Variants in RPS6KC1 observed in about 807,000 individuals in gnomAD.
The protein encoded by RPS6KC1 is inactive ribosomal protein S6 kinase delta-1.
Under a neutral mutation model 103.8 loss-of-function variants are expected in RPS6KC1, and 54 were observed. That is an observed-to-expected ratio of 0.52 (90% CI 0.42 to 0.65). The LOEUF (loss-of-function observed/expected upper bound fraction) is 0.65, where lower values mean the gene tolerates loss of function less well. Among genes scored for constraint, RPS6KC1 ranks in the 30% least tolerant of loss-of-function variants. RPS6KC1 has a pLI of 0.00. For synonymous variants in RPS6KC1, 439 were observed against 438.7 expected (o/e 1.00, Z -0.01); for missense variants, 1,151 against 1,253.8 (o/e 0.92, Z 1.24).
At position 213,272,737 on chromosome 1, in the gene RPS6KC1, A is replaced by G. The variant is rs1001163148; in HGVS notation, c.*103A>G. 7 of 794,090 alleles carry G rather than the reference A, an allele frequency of 8.8e-6. No individual in the cohort carries two copies. Among genetic ancestry groups the G allele is most frequent in the African/African-American group, 1.7e-5 (1 of 58,590 alleles). 49.2% of individuals were successfully genotyped at this position (794,090 alleles called of 1,614,324 possible). A position where few individuals can be genotyped will look rare whatever the true frequency, so the allele number is the denominator to read the frequency against. ...ACAGTTACTTATGGAGCACCAAAGC[A>G]TTTGGATAAAGACCGTTATAGGAAA... On this transcript the variant is annotated 3_prime_UTR_variant, in exon 15 of 15. Coordinates refer to ENST00000366960, the MANE Select transcript of RPS6KC1 (RefSeq NM_012424.6).
At chr1:213,220,422 G>T (rs2093801965) in intron 8 of RPS6KC1, among the ~76,000 whole-genome samples, 1 of 152,144 alleles carries the variant, frequency 6.6e-6, no homozygotes, top group Non-Finnish European at 1.5e-5. Flanking sequence ...TGCCTCCCAA[G>T]TTTAAGTGAT....
At chr1:213,135,433 T>C (rs1037160892) in intron 6 of RPS6KC1, among the ~76,000 whole-genome samples, 12 of 152,166 alleles carry the variant, frequency 7.9e-5, no homozygotes, top group African/African-American at 2.9e-4. Flanking sequence ...TATTTTTCAA[T>C]AGGGAGGAGT....
the RPS6KC1 span, among the ~76,000 whole-genome samples, chr1:213,577,056 C>T: frequency 6.6e-6 from 1 of 152,136 alleles, no homozygotes; most frequent in South Asian, 2.1e-4. Context: ...TGGCTGTATC[C>T]CCACCCAAAT....
the RPS6KC1 span, among the ~76,000 whole-genome samples, chr1:213,476,934 G>A: frequency 2.0e-5 from 3 of 152,208 alleles, no homozygotes; most frequent in South Asian, 6.2e-4. Flanking sequence ...AAGAATCCAC[G>A]TTGTGGCCAT....
intron 4 of RPS6KC1, among the ~76,000 whole-genome samples, chr1:213,114,551 C>T (rs1035665366): frequency 5.3e-5 from 8 of 151,834 alleles, no homozygotes; most frequent in African/African-American, 1.7e-4. Flanking sequence ...CCTTTATTTC[C>T]TTCTTCTGCC....
chr1:213,637,976 C>T, the RPS6KC1 span, among the ~76,000 whole-genome samples: 19 of 151,946 alleles, frequency 1.3e-4, no homozygotes, highest in Non-Finnish European at 2.4e-4. Context: ...ACCATCACAC[C>T]TGGCTAATGT....
the RPS6KC1 span, among the ~76,000 whole-genome samples, chr1:213,814,498 G>A: frequency 2.0e-5 from 3 of 152,194 alleles, no homozygotes; most frequent in Non-Finnish European, 4.4e-5. Flanking sequence ...GATCCATCAG[G>A]TTGTTGGTAA....
the RPS6KC1 span, among the ~76,000 whole-genome samples, chr1:213,778,059 C>T: frequency 2.0e-5 from 3 of 152,234 alleles, no homozygotes; most frequent in South Asian, 2.1e-4. Context: ...AGTCTGAACC[C>T]GAAATCCCAA....
the RPS6KC1 span, among the ~76,000 whole-genome samples, chr1:213,727,327 C>T: frequency 3.3e-5 from 5 of 152,038 alleles, no homozygotes; most frequent in African/African-American, 7.2e-5. Context: ...AGAAAGTGTG[C>T]CTTCTGAGAT....
chr1:213,712,539 G>A, the RPS6KC1 span, among the ~76,000 whole-genome samples: 1 of 152,166 alleles, frequency 6.6e-6, no homozygotes, highest in African/African-American at 2.4e-5. Flanking sequence ...TGTCTTGCTT[G>A]CGTTCCAGGC....
chr1:213,808,419 G>C, the RPS6KC1 span, among the ~76,000 whole-genome samples: 3 of 152,276 alleles, frequency 2.0e-5, no homozygotes, highest in African/African-American at 7.2e-5. Flanking sequence ...TTCTTGAGCT[G>C]TGGTGGGCTC....
At chr1:213,564,502 G>A in the RPS6KC1 span, among the ~76,000 whole-genome samples, 2 of 152,136 alleles carry the variant, frequency 1.3e-5, no homozygotes, top group Admixed American at 1.3e-4. Flanking sequence ...AGCAGATCAG[G>A]GTATAGGGGT....
chr1:213,613,928 G>C, the RPS6KC1 span, among the ~76,000 whole-genome samples: 1 of 152,226 alleles, frequency 6.6e-6, no homozygotes, highest in Non-Finnish European at 1.5e-5. Context: ...ATTTTTCACA[G>C]CTGCAAGGAA....
At chr1:213,560,400 T>C in the RPS6KC1 span, among the ~76,000 whole-genome samples, 2 of 152,176 alleles carry the variant, frequency 1.3e-5, no homozygotes, top group Non-Finnish European at 2.9e-5. Flanking sequence ...AAGACATGGC[T>C]TCTTTGACAT....
the RPS6KC1 span, among the ~76,000 whole-genome samples, chr1:213,363,768 T>C: frequency 3.6e-5 from 1 of 28,108 alleles, no homozygotes. Context: ...TCTTCTTTCT[T>C]TCTTTCTTTC....
At chr1:213,623,387 G>A in the RPS6KC1 span, among the ~76,000 whole-genome samples, 1 of 152,142 alleles carries the variant, frequency 6.6e-6, no homozygotes, top group East Asian at 1.9e-4. Context: ...AGTGAATTGA[G>A]TCAATCAGAA....
At chr1:213,549,612 C>CTTTTTTTTTTTT in the RPS6KC1 span, among the ~76,000 whole-genome samples, 29 of 86,922 alleles carry the variant, frequency 3.3e-4, no homozygotes, top group African/African-American at 9.3e-4. Context: ...TTTTCTTTTC[C>CTTTTTTTTTTTT]TTTTTTTTTT....
At chr1:213,189,551 T>C (rs1324493236) in intron 8 of RPS6KC1, among the ~76,000 whole-genome samples, 1 of 152,106 alleles carries the variant, frequency 6.6e-6, no homozygotes, top group Non-Finnish European at 1.5e-5. Context: ...TATGAATTTA[T>C]GGGTTATATG....
At chr1:213,757,304 G>T in the RPS6KC1 span, among the ~76,000 whole-genome samples, 1 of 152,134 alleles carries the variant, frequency 6.6e-6, no homozygotes, top group Admixed American at 6.5e-5. Context: ...GAATACAAAA[G>T]AAAATTTCTT....
Sources: allele counts gnomAD v4.1 joint callset (sites outside exome capture counted in the v4.1 genomes callset), GRCh38; gene constraint gnomAD v4.1.1; transcripts MANE v1.5; gene names NCBI Gene and HGNC (gene_info 2026-07-23, HGNC 2026-07-21).